The following SOX5 variants were observed in gnomAD, a reference collection of about 807,000 sequenced individuals.
SOX5 encodes transcription factor SOX-5.
In SOX5, 9 loss-of-function variants were observed where a neutral mutation model predicts 92.0. The ratio of observed to expected loss-of-function variants is 0.10; its 90% CI spans 0.06 to 0.17. The LOEUF (loss-of-function observed/expected upper bound fraction) is 0.17. SOX5 is among the 10% of genes least tolerant of loss of function. SOX5 has a pLI of 1.00. For synonymous variants in SOX5, 344 were observed against 336.3 expected, an observed-to-expected ratio of 1.02 and a Z score of -0.25; for missense variants, 642 against 944.5, an observed-to-expected ratio of 0.68 and a Z score of 4.20.
chr12:24,003,323 A>G (rs754408444), intron 4 of SOX5, among the ~76,000 whole-genome samples: 37 of 151,800 alleles, frequency 2.4e-4, no homozygotes, highest in Non-Finnish European at 4.1e-4. Flanking sequence ...GAGTTAAGAA[A>G]AATAAATAAA....
intron 4 of SOX5, among the ~76,000 whole-genome samples, chr12:24,190,466 T>C (rs772695265): frequency 2.0e-5 from 3 of 152,226 alleles, no homozygotes; most frequent in Non-Finnish European, 4.4e-5. Context: ...CCCTGTCCGA[T>C]TGCTCTTTTC....
intron 6 of SOX5, among the ~76,000 whole-genome samples, chr12:23,717,699 G>A (rs912783666): frequency 6.6e-6 from 1 of 152,180 alleles, no homozygotes; most frequent in Non-Finnish European, 1.5e-5. Context: ...ATTTAGTACG[G>A]CTTAACACAG....
chr12:23,835,842 A>G (rs73263741), intron 3 of SOX5, among the ~76,000 whole-genome samples: 190 of 151,840 alleles, frequency 1.3e-3, no homozygotes, highest in African/African-American at 4.5e-3. Flanking sequence ...AGTGACCCTG[A>G]CTTGGTCACT....
chr12:23,644,618 T>G (rs12099810), intron 7 of SOX5, among the ~76,000 whole-genome samples: 46,693 of 152,068 alleles, frequency 0.31, 7,286 homozygotes, highest in Middle Eastern at 0.43. Flanking sequence ...GTAGAAAAAT[T>G]ATACCATGCT....
chr12:23,959,191 AC>A (rs1946614260), intron 4 of SOX5, among the ~76,000 whole-genome samples: 1 of 151,940 alleles, frequency 6.6e-6, no homozygotes, highest in Non-Finnish European at 1.5e-5. Flanking sequence ...ATAAAATTAA[AC>A]AAGAATAATC....
At chr12:24,241,818 A>G (rs1024359638) in intron 3 of SOX5, among the ~76,000 whole-genome samples, 42 of 152,316 alleles carry the variant, frequency 2.8e-4, no homozygotes, top group African/African-American at 9.4e-4. Flanking sequence ...CTAAAATACA[A>G]TAAGTATTGG....
chr12:23,736,448 C>T (rs1456245087), intron 5 of SOX5, among the ~76,000 whole-genome samples: 4 of 151,700 alleles, frequency 2.6e-5, no homozygotes, highest in African/African-American at 2.4e-5. Context: ...GGTGACAGAG[C>T]GAGACTCCGT....
chr12:24,528,442 G>A (rs1174506058), intron 1 of SOX5, among the ~76,000 whole-genome samples: 1 of 152,192 alleles, frequency 6.6e-6, no homozygotes, highest in Non-Finnish European at 1.5e-5. Flanking sequence ...AAAGTTGAAA[G>A]AGTATCCTGG....
chr12:23,978,467 T>C (rs898102047), intron 4 of SOX5, among the ~76,000 whole-genome samples: 2 of 152,216 alleles, frequency 1.3e-5, no homozygotes, highest in African/African-American at 4.8e-5. Flanking sequence ...AGAGATGTGA[T>C]ATCTAGCTTC....
intron 4 of SOX5, among the ~76,000 whole-genome samples, chr12:24,118,150 T>A (rs1948255070): frequency 6.6e-6 from 1 of 152,122 alleles, no homozygotes; most frequent in Admixed American, 6.5e-5. Context: ...TACAAGGTTT[T>A]AATTATACTG....
intron 4 of SOX5, among the ~76,000 whole-genome samples, chr12:24,007,161 AC>A (rs1952308209): frequency 3.3e-5 from 2 of 61,528 alleles, no homozygotes; most frequent in Middle Eastern, 7.6e-3. Flanking sequence ...ATATATATAT[AC>A]ATTTATATAT....
intron 9 of SOX5, among the ~76,000 whole-genome samples, chr12:23,591,828 A>G (rs1951607152): frequency 6.6e-6 from 1 of 152,140 alleles, no homozygotes; most frequent in African/African-American, 2.4e-5. Context: ...CTTAAAACAT[A>G]CTTCACAACA....
intron 1 of SOX5, among the ~76,000 whole-genome samples, chr12:24,391,762 G>C (rs1053796903): frequency 1.3e-5 from 2 of 152,116 alleles, no homozygotes; most frequent in Non-Finnish European, 2.9e-5. Context: ...TTTCTAAGTG[G>C]TCAGAAATGA....
chr12:23,701,309 C>T (rs936217588), intron 6 of SOX5, among the ~76,000 whole-genome samples: 2 of 152,044 alleles, frequency 1.3e-5, no homozygotes, highest in Non-Finnish European at 2.9e-5. Flanking sequence ...AGAAATCATA[C>T]ACAAGCTTTT....
At chr12:23,679,746 T>C (rs565320724) in intron 6 of SOX5, among the ~76,000 whole-genome samples, 11 of 152,304 alleles carry the variant, frequency 7.2e-5, no homozygotes, top group African/African-American at 2.6e-4. Context: ...GATACTCTGA[T>C]TCCCACAGAT....
intron 1 of SOX5, among the ~76,000 whole-genome samples, chr12:24,512,104 A>G (rs563462038): frequency 6.6e-6 from 1 of 152,368 alleles, no homozygotes; most frequent in African/African-American, 2.4e-5. Context: ...AAACAGAAAT[A>G]ATAAGAAAAA....
At chr12:24,173,527 G>A (rs1954437188) in intron 4 of SOX5, among the ~76,000 whole-genome samples, 1 of 152,204 alleles carries the variant, frequency 6.6e-6, no homozygotes, top group Admixed American at 6.5e-5. Context: ...TTATTCACAA[G>A]GAATGCAGCC....
intron 4 of SOX5, among the ~76,000 whole-genome samples, chr12:24,157,563 T>A (rs962540083): frequency 6.6e-6 from 1 of 152,138 alleles, no homozygotes; most frequent in Admixed American, 6.6e-5. Flanking sequence ...AAATGGGATT[T>A]GGTTGGATAG....
At chr12:23,549,285 A>G (rs7297715) in intron 11 of SOX5, among the ~76,000 whole-genome samples, 29,891 of 151,840 alleles carry the variant, frequency 0.2, 3,504 homozygotes, top group Admixed American at 0.26. Context: ...TGATTTTGGG[A>G]AAACAAATAA....
Sources: allele counts gnomAD v4.1 joint callset (sites outside exome capture counted in the v4.1 genomes callset), GRCh38; gene constraint gnomAD v4.1.1; transcripts MANE v1.5; gene names NCBI Gene and HGNC (gene_info 2026-07-23, HGNC 2026-07-21).